WWOX: variants seen among roughly 807,000 people sequenced by gnomAD.
WWOX encodes WW domain containing oxidoreductase.
WWOX carries 69 observed loss-of-function variants against 46.2 expected under a neutral mutation model. That is an observed-to-expected ratio of 1.49 (90% CI 1.23 to 1.82). WWOX has a LOEUF of 1.82. Among genes scored for constraint, WWOX ranks in the 40% most tolerant of loss-of-function variants. The probability of loss-of-function intolerance (pLI) is 0.00; values close to 1 mark genes in which losing one functional copy is unlikely to be tolerated. For missense variants in WWOX, 919 were observed against 542.6 expected (o/e 1.69, Z -6.89); for synonymous variants, 359 against 202.6 (o/e 1.77, Z -6.56).
intron 2 of WWOX, 66 bp downstream of exon 2, chr16:78,108,553 A>G (rs1396226475): frequency 3.9e-6 from 6 of 1,551,540 alleles, no homozygotes; most frequent in Middle Eastern, 1.7e-4. Flanking sequence ...TGTCACTGGC[A>G]GAGAGGTGAC....
At chr16:78,650,292 C>A (rs542889440) in intron 8 of WWOX, among the ~76,000 whole-genome samples, 1 of 152,268 alleles carries the variant, frequency 6.6e-6, no homozygotes, top group African/African-American at 2.4e-5. Flanking sequence ...TATGTGTATC[C>A]GCTTTTTGTC....
intron 8 of WWOX, among the ~76,000 whole-genome samples, chr16:78,819,527 G>T (rs1242690886): frequency 6.6e-6 from 1 of 152,184 alleles, no homozygotes; most frequent in Non-Finnish European, 1.5e-5. Context: ...TTAAAAATGG[G>T]TGTAAATGTG....
intron 8 of WWOX, among the ~76,000 whole-genome samples, chr16:78,617,991 A>G (rs1166004627): frequency 6.6e-6 from 1 of 152,220 alleles, no homozygotes; most frequent in Admixed American, 6.5e-5. Context: ...TAATGTTAAC[A>G]ATTAGTGTTT....
At chr16:78,648,509 A>G (rs575672486) in intron 8 of WWOX, among the ~76,000 whole-genome samples, 1 of 152,356 alleles carries the variant, frequency 6.6e-6, no homozygotes, top group African/African-American at 2.4e-5. Flanking sequence ...TTTGTCACAG[A>G]ATGCCGACCC....
rs114979446 is a variant in WWOX at position 78,403,632 on chromosome 16, G to A, written c.605+16684G>A. Among the ~76,000 whole-genome samples the A allele has an allele frequency of 6.0e-3, 921 of 152,256 alleles. 7 individuals carry two copies. The highest frequency in any genetic ancestry group is 0.021 in the African/African-American group (867 of 41,534). ...AGGCCCAGGTATTATTTTAATAGAAGCACTATTGACAAATACCAGTCATCC... is the reference window on the plus strand; with the variant it reads ...AGGCCCAGGTATTATTTTAATAGAAACACTATTGACAAATACCAGTCATCC... On this transcript the variant is annotated intron_variant, in intron 6 of 8. Transcript: ENST00000566780.
intron 8 of WWOX, among the ~76,000 whole-genome samples, chr16:78,966,094 C>T (rs1341869496): frequency 3.3e-5 from 5 of 152,148 alleles, no homozygotes; most frequent in South Asian, 2.1e-4. Context: ...AGCTTTTTTG[C>T]GTGGCTTCTT....
At chr16:79,195,679 C>G (rs1293694654) in intron 8 of WWOX, among the ~76,000 whole-genome samples, 1 of 152,208 alleles carries the variant, frequency 6.6e-6, no homozygotes, top group East Asian at 1.9e-4. Flanking sequence ...GCCAGCTTGT[C>G]TAGACCGGGA....
At chr16:78,974,738 C>G (rs537480260) in intron 8 of WWOX, among the ~76,000 whole-genome samples, 8 of 152,192 alleles carry the variant, frequency 5.3e-5, no homozygotes, top group Non-Finnish European at 8.8e-5. Context: ...AAGACCCACA[C>G]TTGGTCTCTG....
chr16:78,107,591 G>T, intron 1 of WWOX, among the ~76,000 whole-genome samples: 1 of 151,132 alleles, frequency 6.6e-6, no homozygotes, highest in East Asian at 1.9e-4. Flanking sequence ...CTATGGGAAG[G>T]TCTTACTGCA....
chr16:78,536,557 A>G (rs2043764088), intron 8 of WWOX, among the ~76,000 whole-genome samples: 1 of 152,056 alleles, frequency 6.6e-6, no homozygotes, highest in Non-Finnish European at 1.5e-5. Context: ...ACCCTTACAT[A>G]TCCCAGTGTA....
intron 8 of WWOX, among the ~76,000 whole-genome samples, chr16:78,848,282 GATGTTGTTGTTA>G (rs2052351571): frequency 6.6e-6 from 1 of 151,808 alleles, no homozygotes; most frequent in Admixed American, 6.6e-5. Flanking sequence ...TTTCGTTGTT[GATGTTGTTGTTA>G]ATGTTGAAAA....
At chr16:78,587,973 G>C (rs558245782) in intron 8 of WWOX, among the ~76,000 whole-genome samples, 1 of 152,258 alleles carries the variant, frequency 6.6e-6, no homozygotes, top group African/African-American at 2.4e-5. Context: ...ACTTCACCTG[G>C]TCTTTTGTAG....
intron 8 of WWOX, among the ~76,000 whole-genome samples, chr16:78,473,267 G>C (rs1354686390): frequency 6.6e-6 from 1 of 152,118 alleles, no homozygotes; most frequent in Admixed American, 6.6e-5. Flanking sequence ...GTGGCTTGGA[G>C]TATAGACACG....
intron 8 of WWOX, among the ~76,000 whole-genome samples, chr16:78,774,455 T>C (rs1362941677): frequency 6.6e-6 from 1 of 151,984 alleles, no homozygotes; most frequent in Non-Finnish European, 1.5e-5. Flanking sequence ...CGTTGGTGTG[T>C]CTCATGTCAT....
chr16:78,419,634 A>C (rs942529862), intron 6 of WWOX, among the ~76,000 whole-genome samples: 2 of 146,040 alleles, frequency 1.4e-5, no homozygotes, highest in African/African-American at 5.1e-5. Context: ...GCAAAAAAAA[A>C]AAAAAAAAAA....
chr16:79,035,806 G>T (rs1450136892), intron 8 of WWOX, among the ~76,000 whole-genome samples: 2 of 152,114 alleles, frequency 1.3e-5, no homozygotes, highest in Non-Finnish European at 2.9e-5. Flanking sequence ...AACCCCATTA[G>T]ACGGTGGCCA....
chr16:78,631,064 T>G lies in WWOX; in HGVS notation c.1056+198312T>G, dbSNP rs146836342. 2.5e-4 allele frequency among the ~76,000 whole-genome samples: 38 copies of G among 152,296 alleles called. No individual in the cohort carries two copies. The East Asian group carries it at 7.3e-3, about 29-fold the overall frequency. Reference sequence around the variant, plus strand: ...ATTGTATTAGGTATTATAAGTAATCTAGAGATGATTTAAAGTGTACAGGAG... The same window carrying G: ...ATTGTATTAGGTATTATAAGTAATCGAGAGATGATTTAAAGTGTACAGGAG... On this transcript the variant is annotated intron_variant, in intron 8 of 8. Coordinates refer to ENST00000566780, the MANE Select transcript of WWOX (RefSeq NM_016373.4).
chr16:78,848,881 A>G (rs1240786156), intron 8 of WWOX, among the ~76,000 whole-genome samples: 1 of 151,838 alleles, frequency 6.6e-6, no homozygotes, highest in Non-Finnish European at 1.5e-5. Context: ...AAATCTATTT[A>G]GCCCAGTTTT....
chr16:78,409,706 T>C (rs774253961), intron 6 of WWOX, among the ~76,000 whole-genome samples: 1 of 152,204 alleles, frequency 6.6e-6, no homozygotes, highest in Non-Finnish European at 1.5e-5. Flanking sequence ...TGGGCTAAAA[T>C]TAAGGTGTCG....
Sources: gnomAD v4.1 joint callset for allele counts (sites outside exome capture counted in the v4.1 genomes callset) on GRCh38, gnomAD v4.1.1 for gene constraint, MANE v1.5 for transcripts, NCBI Gene and HGNC (gene_info 2026-07-23, HGNC 2026-07-21) for gene names.